Variants in ZNF254 observed in about 807,000 individuals in gnomAD.
ZNF254 encodes zinc finger protein 254.
Under a neutral mutation model 12.4 loss-of-function variants are expected in ZNF254, and 10 were observed. That is an observed-to-expected ratio of 0.80 (90% CI 0.50 to 1.36). The LOEUF is 1.36. ZNF254 is among the 40% of genes most tolerant of loss of function. ZNF254 has a pLI of 0.00. For synonymous variants in ZNF254, 305 were observed against 253.4 expected (o/e 1.20, Z -1.93); for missense variants, 996 against 763.9 (o/e 1.30, Z -3.58).
chr19:24,117,126 G>A (rs1974134610), intron 3 of ZNF254, among the ~76,000 whole-genome samples: 1 of 152,164 alleles, frequency 6.6e-6, no homozygotes, highest in Non-Finnish European at 1.5e-5. Context: ...CTCCCAGTTA[G>A]GCTGCTCATG....
intron 2 of ZNF254, among the ~76,000 whole-genome samples, chr19:24,068,220 CAG>C (rs969372433): frequency 6.6e-6 from 1 of 152,070 alleles, no homozygotes; most frequent in African/African-American, 2.4e-5. Flanking sequence ...TCTATCCTCT[CAG>C]GGTGTTGCTC....
chr19:24,082,864 T>G (rs370302072), upstream of ZNF254, among the ~76,000 whole-genome samples: 272 of 151,880 alleles, frequency 1.8e-3, 8 homozygotes, highest in South Asian at 0.054. Context: ...AACATTAAAC[T>G]GAACAGGAAA....
chr19:24,049,214 ATTTTTT>A (rs66491625), intron 2 of ZNF254, among the ~76,000 whole-genome samples: 1 of 40,890 alleles, frequency 2.4e-5, no homozygotes, highest in Non-Finnish European at 4.1e-5. Flanking sequence ...ATATATATAT[ATTTTTT>A]TTTTTTTTTT....
intron 2 of ZNF254, chr19:24,078,998 C>G (rs757603038): frequency 2.0e-5 from 3 of 151,920 alleles, no homozygotes; most frequent in Non-Finnish European, 4.4e-5. Context: ...AAGGATGGTA[C>G]GCATGGAAAA....
intron 1 of ZNF254, among the ~76,000 whole-genome samples, chr19:24,097,025 C>G (rs1366743158): frequency 6.6e-6 from 1 of 152,162 alleles, no homozygotes; most frequent in Non-Finnish European, 1.5e-5. Context: ...AAATATCTTA[C>G]TAAAATCTCT....
chr19:24,121,564 A>ATT (rs996562581), intron 3 of ZNF254, among the ~76,000 whole-genome samples: 2 of 150,300 alleles, frequency 1.3e-5, no homozygotes, highest in African/African-American at 4.9e-5. Context: ...TCTTTTTTAA[A>ATT]TTTTTTTTTT....
At chr19:24,099,469 C>T (rs993406567) in intron 1 of ZNF254, among the ~76,000 whole-genome samples, 3 of 152,140 alleles carry the variant, frequency 2.0e-5, no homozygotes, top group Admixed American at 6.5e-5. Context: ...AGCAAGAGTG[C>T]GCTAGCACAG....
intron 2 of ZNF254, among the ~76,000 whole-genome samples, chr19:24,052,372 C>T (rs1331351482): frequency 6.6e-6 from 1 of 152,204 alleles, no homozygotes; most frequent in African/African-American, 2.4e-5. Flanking sequence ...GGTATAGTGA[C>T]ATACCATTGA....
chr19:24,079,136 CTCAG>C (rs2145562469), intron 2 of ZNF254: 1 of 152,242 alleles, frequency 6.6e-6, no homozygotes, highest in African/African-American at 2.4e-5. Context: ...ATTTTTGCTT[CTCAG>C]TCAGAATGAA....
At chr19:24,060,532 T>A (rs781101646) in intron 2 of ZNF254, among the ~76,000 whole-genome samples, 4 of 152,182 alleles carry the variant, frequency 2.6e-5, no homozygotes, top group Non-Finnish European at 5.9e-5. Context: ...TCTACTTTCT[T>A]ACCTGGGCTT....
intron 3 of ZNF254, among the ~76,000 whole-genome samples, chr19:24,113,677 C>T (rs2145877191): frequency 6.6e-6 from 1 of 152,266 alleles, no homozygotes; most frequent in South Asian, 2.1e-4. Flanking sequence ...GTTGGATGTT[C>T]TGGCCAGGGC....
intron 2 of ZNF254, among the ~76,000 whole-genome samples, chr19:24,062,308 CACTG>C (rs1218843597): frequency 1.3e-5 from 2 of 152,106 alleles, no homozygotes; most frequent in Non-Finnish European, 2.9e-5. Context: ...TGAAAGAGCC[CACTG>C]ACTGATGAGG....
intron 1 of ZNF254, among the ~76,000 whole-genome samples, chr19:24,045,618 A>G (rs1234040721): frequency 6.7e-6 from 1 of 148,158 alleles, no homozygotes; most frequent in Non-Finnish European, 1.5e-5. Flanking sequence ...CAGTGAGCTG[A>G]GATCGCGCCA....
chr19:24,045,391 C>T lies in ZNF254; in HGVS notation c.-189-793C>T, dbSNP rs528015012. Among the ~76,000 whole-genome samples the T allele has an allele frequency of 3.9e-5, 6 of 152,132 alleles. No homozygotes were observed. In the South Asian group the frequency reaches 8.3e-4, roughly 21 times the overall value. The stretch of plus-strand genomic sequence containing the variant: ...ACTGAGGTATAAAAGGAAATCTGGC[C>T]GGGCGTGGTGGCTCACATCTGTAAT... On this transcript the variant is annotated intron_variant, in intron 1 of 4. Coordinates refer to the ZNF254 transcript ENST00000613065.
intron 1 of ZNF254, chr19:24,104,261 G>T (rs1034540208): frequency 3.3e-5 from 5 of 152,122 alleles, no homozygotes; most frequent in African/African-American, 1.2e-4. Context: ...CTTTTTTGTT[G>T]TAAAGGACAG....
intron 1 of ZNF254, among the ~76,000 whole-genome samples, chr19:24,043,514 A>G (rs62113673): frequency 0.16 from 24,194 of 152,118 alleles, 2,087 homozygotes; most frequent in Middle Eastern, 0.23. Context: ...CACCTACCTC[A>G]GCCTCCTAAA....
intron 2 of ZNF254, among the ~76,000 whole-genome samples, chr19:24,076,493 C>G (rs1432495161): frequency 6.6e-6 from 1 of 152,118 alleles, no homozygotes; most frequent in African/African-American, 2.4e-5. Flanking sequence ...TTGTGCTGAT[C>G]TCCTATGTTA....
chr19:24,104,331 A>T (rs1167595446), intron 1 of ZNF254: 1 of 152,186 alleles, frequency 6.6e-6, no homozygotes, highest in Non-Finnish European at 1.5e-5. Context: ...GTAACAGGTG[A>T]ACATGTGCTC....
intron 3 of ZNF254, among the ~76,000 whole-genome samples, chr19:24,120,213 C>A (rs1368613905): frequency 1.3e-5 from 2 of 152,102 alleles, no homozygotes; most frequent in African/African-American, 4.8e-5. Flanking sequence ...ATCATGAGAA[C>A]AGCACAGAAA....
Sources: gnomAD v4.1 joint callset for allele counts (sites outside exome capture counted in the v4.1 genomes callset) on GRCh38, gnomAD v4.1.1 for gene constraint, MANE v1.5 for transcripts, NCBI Gene and HGNC (gene_info 2026-07-23, HGNC 2026-07-21) for gene names.